Variants in MRC1 observed in about 807,000 individuals in gnomAD.
MRC1 encodes the protein mannose receptor C-type 1.
A neutral mutation model predicts 102.9 loss-of-function variants in MRC1; 62 were observed. The ratio of observed to expected loss-of-function variants is 0.60; its 90% confidence interval spans 0.49 to 0.74. The LOEUF is 0.74. MRC1 is among the 30% of genes least tolerant of loss of function. The pLI, the probability that MRC1 is intolerant of heterozygous loss-of-function variation, is 0.00. For synonymous variants in MRC1, 457 were observed against 298.4 expected, an observed-to-expected ratio of 1.53 and a Z score of -5.48; for missense variants, 1,237 against 862.8, an observed-to-expected ratio of 1.43 and a Z score of -5.43.
chr10:17,843,204 A>G (rs368903656), intron 5 of MRC1, among the ~76,000 whole-genome samples: 6,271 of 134,726 alleles, frequency 0.047, 321 homozygotes, highest in African/African-American at 0.13. Flanking sequence ...TAGCACATCA[A>G]TTAATAACTT....
chr10:17,853,578 G>A (rs1320814255), intron 8 of MRC1, among the ~76,000 whole-genome samples: 6 of 134,848 alleles, frequency 4.4e-5, no homozygotes, highest in Non-Finnish European at 8.1e-5. Flanking sequence ...ATGTATGTGT[G>A]TGTGTGTGTG....
intron 2 of MRC1, among the ~76,000 whole-genome samples, chr10:17,826,602 T>G (rs1203087958): frequency 6.6e-6 from 1 of 152,246 alleles, no homozygotes; most frequent in Non-Finnish European, 1.5e-5. Flanking sequence ...TGTAAAAAGT[T>G]GTTATCTCTA....
chr10:17,841,607 C>A (rs1233711678), intron 5 of MRC1, among the ~76,000 whole-genome samples: 1 of 152,024 alleles, frequency 6.6e-6, no homozygotes, highest in African/African-American at 2.4e-5. Flanking sequence ...ACATATTGAG[C>A]AACTATTTAG....
chr10:17,879,582 C>T lies in MRC1; in HGVS notation c.2619-139C>T, dbSNP rs955412886. ...TTCCCCATGTTGGTCAGGCTAGACT[C>T]GAACTCCTGGCCTCAGGTGATCCAC... On this transcript the variant is annotated intron_variant, in intron 18 of 29. Transcript: ENST00000569591. 1.2e-5 allele frequency: 9 copies of T among 774,796 alleles called. No individual in the cohort carries two copies. In the East Asian group the frequency reaches 1.7e-4, roughly 15 times the overall value. 48.0% of individuals were successfully genotyped at this position (774,796 alleles called of 1,614,324 possible).
intron 9 of MRC1, among the ~76,000 whole-genome samples, chr10:17,857,905 C>T (rs1380134677): frequency 2.6e-5 from 4 of 152,102 alleles, no homozygotes; most frequent in Non-Finnish European, 4.4e-5. Flanking sequence ...AAAGTGGCCA[C>T]AGGTTTCTAA....
intron 19 of MRC1, among the ~76,000 whole-genome samples, chr10:17,880,194 A>G (rs1833494610): frequency 6.6e-6 from 1 of 152,222 alleles, no homozygotes; most frequent in Non-Finnish European, 1.5e-5. Flanking sequence ...AAATGAAATC[A>G]TACATCTAAA....
intron 18 of MRC1, among the ~76,000 whole-genome samples, chr10:17,878,804 G>A (rs946942453): frequency 2.6e-5 from 4 of 151,980 alleles, no homozygotes; most frequent in Non-Finnish European, 4.4e-5. Flanking sequence ...CTGGGATGAC[G>A]GACATGCACC....
intron 26 of MRC1, among the ~76,000 whole-genome samples, chr10:17,904,758 G>A (rs1422050107): frequency 1.3e-5 from 2 of 152,180 alleles, no homozygotes; most frequent in African/African-American, 4.8e-5. Flanking sequence ...CAAGAACTTA[G>A]GACCTTCTCA....
chr10:17,874,980 G>C (rs1833410039), intron 16 of MRC1, 110 bp from the exon 17 acceptor site: 1 of 756,930 alleles, frequency 1.3e-6, no homozygotes, highest in Admixed American at 1.8e-5. Flanking sequence ...CAGAGTTGCA[G>C]ATGCCTCTTG....
intron 8 of MRC1, among the ~76,000 whole-genome samples, chr10:17,855,124 G>C (rs1256698186): frequency 1.3e-5 from 2 of 152,202 alleles, no homozygotes; most frequent in African/African-American, 4.8e-5. Flanking sequence ...AGATCCAGGG[G>C]AGCACTCATC....
chr10:17,870,864 C>G lies in MRC1; in HGVS notation c.2128C>G (p.His710Asp). The G allele has an allele frequency of 1.1e-6, 1 of 872,374 alleles. No homozygotes were observed. Among genetic ancestry groups the G allele is most frequent in the East Asian group, 2.4e-5 (1 of 41,668 alleles). The allele number at this position is 872,374 out of a possible 1,614,324, so 54.0% of individuals were successfully genotyped here. ...ATTTCATAGAGCTAGTGGAAGCTAC[C>G]ACAAACTGTTTTGGTTGGGATTGAC... The part of the protein sequence containing the change: ...WRLITASGSY[H>D]KLFWLGLTYG... The change falls in exon 14 of 30, where the codon CAC becomes GAC. Residue 710 changes from histidine to aspartate, a missense_variant. His to Asp is a moderately conservative substitution (Grantham distance 81, BLOSUM62 -1). Coordinates refer to ENST00000569591, the MANE Select transcript of MRC1 (RefSeq NM_002438.4).
At chr10:17,828,287 A>G (rs978150772) in intron 3 of MRC1, among the ~76,000 whole-genome samples, 3 of 151,446 alleles carry the variant, frequency 2.0e-5, no homozygotes, top group East Asian at 1.9e-4. Flanking sequence ...TGTGTTAGCC[A>G]GGATGGTCTC....
intron 8 of MRC1, among the ~76,000 whole-genome samples, chr10:17,853,425 A>C (rs1833015038): frequency 6.7e-6 from 1 of 149,704 alleles, no homozygotes; most frequent in African/African-American, 2.5e-5. Context: ...CCATATATAT[A>C]GTGCCATATT....
Position 17,866,626 on chromosome 10 carries a change from A to G in MRC1, c.1848A>G (p.Lys616=). ...GIAGGLWDVL[K]CDEKAKFVCK... ...CAGGGGGCTTATGGGATGTTTTGAA[A>G]TGTGATGAAAAGGCAAAATTTGTGT... The change falls in exon 12 of 30, where the codon AAA becomes AAG. Residue 616 remains lysine (K), a synonymous_variant. Transcript: ENST00000569591. 1 of 780,822 alleles carries G rather than the reference A, an allele frequency of 1.3e-6. No homozygotes were observed. Among genetic ancestry groups the G allele is most frequent in the Non-Finnish European group, 2.4e-6 (1 of 417,954 alleles). The allele number at this position is 780,822 out of a possible 1,614,324, so 48.4% of individuals were successfully genotyped here. A position where few individuals can be genotyped will look rare whatever the true frequency, so the allele number is the denominator to read the frequency against.
chr10:17,887,350 C>T (rs1394737346), intron 22 of MRC1, among the ~76,000 whole-genome samples: 2 of 152,200 alleles, frequency 1.3e-5, no homozygotes, highest in Non-Finnish European at 2.9e-5. Context: ...GAGATCGCGC[C>T]ACTGCACTCC....
chr10:17,830,284 A>G (rs1469810978), intron 3 of MRC1, among the ~76,000 whole-genome samples: 2 of 151,070 alleles, frequency 1.3e-5, no homozygotes, highest in Non-Finnish European at 1.5e-5. Context: ...GGCACCCACC[A>G]TCACGCCTGG....
At position 17,910,560 on chromosome 10, in the gene MRC1, T is replaced by A. The variant is rs1833955544; in HGVS notation, c.*95T>A. On this transcript the variant is annotated 3_prime_UTR_variant, in exon 30 of 30. Coordinates refer to ENST00000569591, the MANE Select transcript of MRC1 (RefSeq NM_002438.4). ...ATGTGATTGTTTTCTTTAAAATGAGTACTGAATTGTACTGGTCTGTCCTTT... is the reference window on the plus strand; with the variant it reads ...ATGTGATTGTTTTCTTTAAAATGAGAACTGAATTGTACTGGTCTGTCCTTT... 1 of 774,148 alleles carries A rather than the reference T, an allele frequency of 1.3e-6. No individual in the cohort carries two copies. Among genetic ancestry groups the A allele is most frequent in the Admixed American group, 1.7e-5 (1 of 58,520 alleles). 48.0% of individuals were successfully genotyped at this position (774,148 alleles called of 1,614,324 possible).
chr10:17,827,372 C>CAAAAAAAAAAAAAAAAAAAA lies in MRC1; in HGVS notation c.464-151_464-132dup, dbSNP rs782616938. Among the ~76,000 whole-genome samples, 8 of 64,030 alleles carry CAAAAAAAAAAAAAAAAAAAA rather than the reference C, an allele frequency of 1.2e-4. 3 individuals carry two copies. The highest frequency in any genetic ancestry group is 1.4e-3 in the East Asian group (2 of 1,426). 42.0% of individuals were successfully genotyped at this position (64,030 alleles called of 152,430 possible). A position where few individuals can be genotyped will look rare whatever the true frequency, so the allele number is the denominator to read the frequency against. On this transcript the variant is annotated intron_variant, in intron 2 of 29. Coordinates refer to ENST00000569591, the MANE Select transcript of MRC1 (RefSeq NM_002438.4). Reference sequence around the variant, plus strand: ...TAGAAGGAGAAGGAAAAAAAATACCCAAAAAAAAAAAAAAAAAAAAAAAAA... The same window carrying CAAAAAAAAAAAAAAAAAAAA: ...TAGAAGGAGAAGGAAAAAAAATACCCAAAAAAAAAAAAAAAAAAAAAAAAAAAAAAAAAAAAAAAAAAAAA...
chr10:17,813,555 T>C (rs1294702824), intron 1 of MRC1, among the ~76,000 whole-genome samples: 1 of 151,402 alleles, frequency 6.6e-6, no homozygotes, highest in Non-Finnish European at 1.5e-5. Flanking sequence ...CTTTTTAAAT[T>C]TGTTCTCCAT....
Sources: allele counts gnomAD v4.1 joint callset (sites outside exome capture counted in the v4.1 genomes callset), GRCh38; gene constraint gnomAD v4.1.1; transcripts MANE v1.5; gene names NCBI Gene and HGNC (gene_info 2026-07-23, HGNC 2026-07-21).